Variants in MED13 observed in about 807,000 individuals in gnomAD.
MED13 encodes mediator of RNA polymerase II transcription subunit 13.
In MED13, 23 loss-of-function variants were observed where a neutral mutation model predicts 225.2. The observed-to-expected ratio is 0.10, with a 90% CI of 0.07 to 0.14. The LOEUF (loss-of-function observed/expected upper bound fraction) is 0.14. Among genes scored for constraint, MED13 ranks in the 10% least tolerant of loss-of-function variants. MED13 has a pLI of 1.00. For synonymous variants in MED13, 942 were observed against 889.2 expected, an observed-to-expected ratio of 1.06 and a Z score of -1.06; for missense variants, 2,197 against 2,594.5, an observed-to-expected ratio of 0.85 and a Z score of 3.33.
chr17:61,961,060 G>A lies in MED13; in HGVS notation c.5287C>T (p.Pro1763Ser). Residue 1763 changes from proline (P) to serine (S), a missense_variant, in exon 23 of 30, where the codon CCT becomes TCT. Coordinates refer to ENST00000397786, the MANE Select transcript of MED13 (RefSeq NM_005121.3). ...TCCTTCACTGGAGCCAGAATAAAAG[G>A]AGGTGCATAAAGTCGAATACACTCT... ...RPECIRLYAP[P>S]FILAPVKDKQ... 6.2e-7 allele frequency: 1 copy of A among 1,613,884 alleles called. No individual in the cohort carries two copies.
chr17:61,947,160 G>T (rs1298070692), intron 28 of MED13, 143 bp from the exon 29 acceptor site: 8 of 502,416 alleles, frequency 1.6e-5, no homozygotes, highest in Admixed American at 3.7e-5. Flanking sequence ...CTATAAAAAT[G>T]CTTGTTCTCT....
intron 2 of MED13, among the ~76,000 whole-genome samples, chr17:62,059,206 A>G (rs557935890): frequency 7.9e-5 from 12 of 152,348 alleles, no homozygotes; most frequent in African/African-American, 2.6e-4. Flanking sequence ...AGTTAATAAT[A>G]AAGTATCAAT....
chr17:62,018,798 C>T (rs567590598), intron 8 of MED13, among the ~76,000 whole-genome samples: 12 of 152,002 alleles, frequency 7.9e-5, no homozygotes, highest in African/African-American at 2.2e-4. Context: ...CTTGAGCATC[C>T]GTAGATTTTG....
chr17:62,047,755 TAA>T (rs1365418325), intron 3 of MED13, among the ~76,000 whole-genome samples: 1 of 151,036 alleles, frequency 6.6e-6, no homozygotes, highest in Non-Finnish European at 1.5e-5. Context: ...ATAAGATCAT[TAA>T]AAAAGAGAGA....
rs1384904568 is a variant in MED13 at position 61,992,584 on chromosome 17, T to C, written c.2219A>G (p.His740Arg). ...AAATAATGACATAGCATCTTCTTCA[T>C]GTGATAACACTGTTACACTAGATGT... ...DGTSSVTVLS[H>R]EEDAMSLFSP... is the part of the protein sequence containing the mutation. The change falls in exon 11 of 30, where the codon CAT (histidine) becomes CGT (arginine). Residue 740 changes from histidine (H) to arginine (R), a missense_variant. Coordinates refer to ENST00000397786, the MANE Select transcript of MED13 (RefSeq NM_005121.3). The C allele has an allele frequency of 3.1e-6, 5 of 1,612,352 alleles. No individual in the cohort carries two copies. The highest frequency in any genetic ancestry group is 4.5e-5 in the East Asian group (2 of 44,798).
chr17:61,976,897 A>G (rs780277786), intron 16 of MED13, among the ~76,000 whole-genome samples: 18 of 152,196 alleles, frequency 1.2e-4, no homozygotes, highest in Non-Finnish European at 2.1e-4. Context: ...GCGCCACTGC[A>G]CTCCAGCCTG....
chr17:61,957,758 ACAC>A (rs1480312901), intron 23 of MED13, among the ~76,000 whole-genome samples: 1 of 152,228 alleles, frequency 6.6e-6, no homozygotes, highest in East Asian at 1.9e-4. Flanking sequence ...ACTGACCAAA[ACAC>A]CACACTTCTC....
rs890393330 is a variant in MED13, at chr17:62,049,078, C to CAAAAAAAAAAAAAAAAAAAAAAAA, written c.470+3458_470+3459insTTTTTTTTTTTTTTTTTTTTTTTT. On this transcript the variant is annotated intron_variant, in intron 3 of 29. Transcript: ENST00000397786. Reference sequence around the variant, plus strand: ...GGCACCACCATAACAGTAAATAAGACAAAAAAAAAAAAAAAAAGGAGAAAT... The same window carrying CAAAAAAAAAAAAAAAAAAAAAAAA: ...GGCACCACCATAACAGTAAATAAGACAAAAAAAAAAAAAAAAAAAAAAAAAAAAAAAAAAAAAAAAAGGAGAAAT... 1.1e-3 allele frequency among the ~76,000 whole-genome samples: 49 copies of CAAAAAAAAAAAAAAAAAAAAAAAA among 45,282 alleles called. 2 individuals are homozygous for CAAAAAAAAAAAAAAAAAAAAAAAA. Among genetic ancestry groups the CAAAAAAAAAAAAAAAAAAAAAAAA allele is most frequent in the East Asian group, 5.0e-3 (6 of 1,208 alleles). The allele number at this position is 45,282 out of a possible 152,430, so 29.7% of individuals were successfully genotyped here.
chr17:62,044,925 G>C (rs1271515928), intron 3 of MED13, among the ~76,000 whole-genome samples: 1 of 152,206 alleles, frequency 6.6e-6, no homozygotes, highest in Non-Finnish European at 1.5e-5. Context: ...GCCTCCCAAA[G>C]TGCTGGGATT....
intron 16 of MED13, among the ~76,000 whole-genome samples, chr17:61,977,474 CG>C (rs2080167092): frequency 6.6e-6 from 1 of 152,160 alleles, no homozygotes. Flanking sequence ...TTTCTTGAGA[CG>C]GAGTCTCTCT....
intron 6 of MED13, 84 bp from the exon 7 acceptor site, chr17:62,030,097 A>T: frequency 8.3e-7 from 1 of 1,198,840 alleles, no homozygotes; most frequent in Non-Finnish European, 1.1e-6. Context: ...TTAATTTGTG[A>T]TACAAGCTGC....
chr17:62,039,541 C>T (rs1243708699), intron 3 of MED13, among the ~76,000 whole-genome samples: 1 of 151,654 alleles, frequency 6.6e-6, no homozygotes. Flanking sequence ...CCTCGGCCTC[C>T]CAAAGTGCTA....
At chr17:61,979,153 G>C (rs1307815777) in intron 16 of MED13, among the ~76,000 whole-genome samples, 1 of 152,052 alleles carries the variant, frequency 6.6e-6, no homozygotes, top group Admixed American at 6.6e-5. Context: ...TTTTTAAAGG[G>C]TATCTGACTA....
Position 61,945,461 on chromosome 17 carries a change from A to C in MED13, c.*1007T>G, listed in dbSNP as rs957725727. 6.6e-6 allele frequency: 1 copy of C among 152,654 alleles called. No homozygotes were observed. Among genetic ancestry groups the C allele is most frequent in the Non-Finnish European group, 1.5e-5 (1 of 68,050 alleles). 9.5% of individuals were successfully genotyped at this position (152,654 alleles called of 1,614,324 possible). On this transcript the variant is annotated 3_prime_UTR_variant, in exon 30 of 30. Coordinates refer to ENST00000397786, the MANE Select transcript of MED13 (RefSeq NM_005121.3). ...ATTTAAGCATGTAACATTAAACACT[A>C]AAATTAGTTTAAGCATTCAGTAGCA...
At chr17:62,017,310 C>CT (rs1386285703) in intron 8 of MED13, among the ~76,000 whole-genome samples, 1 of 147,948 alleles carries the variant, frequency 6.8e-6, no homozygotes, top group Non-Finnish European at 1.5e-5. Context: ...AGCGTAGACT[C>CT]TAACTTTAGA....
At chr17:62,030,107 C>T (rs2080740652) in intron 6 of MED13, 94 bp from the exon 7 acceptor site, 2 of 1,093,342 alleles carry the variant, frequency 1.8e-6, no homozygotes, top group South Asian at 2.6e-5. Flanking sequence ...ATACAAGCTG[C>T]TCCAGCTATC....
intron 3 of MED13, among the ~76,000 whole-genome samples, chr17:62,048,682 C>T (rs1446419506): frequency 6.6e-6 from 1 of 152,126 alleles, no homozygotes; most frequent in Non-Finnish European, 1.5e-5. Context: ...CCAGCTTATA[C>T]CCTCTAGTCA....
chr17:61,964,230 CTA>C (rs2080033508), intron 20 of MED13, among the ~76,000 whole-genome samples: 1 of 152,178 alleles, frequency 6.6e-6, no homozygotes, highest in African/African-American at 2.4e-5. Context: ...TTCTAGAATT[CTA>C]TGATACTTTA....
intron 1 of MED13, among the ~76,000 whole-genome samples, chr17:62,064,477 T>C (rs1156952492): frequency 6.6e-6 from 1 of 152,204 alleles, no homozygotes; most frequent in African/African-American, 2.4e-5. Context: ...CCTCGTCCAC[T>C]AGCCCCCTTC....
Sources: gnomAD v4.1 joint callset for allele counts (sites outside exome capture counted in the v4.1 genomes callset) on GRCh38, gnomAD v4.1.1 for gene constraint, MANE v1.5 for transcripts, NCBI Gene and HGNC (gene_info 2026-07-23, HGNC 2026-07-21) for gene names.